The following COL6A2 variants were observed in gnomAD, a reference collection of about 807,000 sequenced individuals.
The protein encoded by COL6A2 is collagen type VI alpha 2 chain.
In COL6A2, 90 loss-of-function variants were observed where a neutral mutation model predicts 124.9. That is an observed-to-expected ratio of 0.72 (90% CI 0.61 to 0.86). The LOEUF (loss-of-function observed/expected upper bound fraction) is 0.86, where lower values mean the gene tolerates loss of function less well. Among genes scored for constraint, COL6A2 ranks in the 40% least tolerant of loss-of-function variants. The pLI is 0.00. For synonymous variants in COL6A2, 793 were observed against 618.2 expected (o/e 1.28, Z -4.19); for missense variants, 1,607 against 1,502.5 (o/e 1.07, Z -1.15).
chr21:46,118,720 TCA>T (rs769078056), intron 13 of COL6A2, 44 bp downstream of exon 13: 62 of 1,578,654 alleles, frequency 3.9e-5, no homozygotes, highest in Non-Finnish European at 5.0e-5. Flanking sequence ...CTGGCCACAC[TCA>T]CGCCCATGGC....
Position 46,126,032 on chromosome 21 carries a change from CGAT to C in COL6A2, c.2220_2222del (p.Asp741del), listed in dbSNP as rs753220080. The C allele has an allele frequency of 1.2e-6, 2 of 1,612,978 alleles. No individual in the cohort carries two copies. The highest frequency in any genetic ancestry group is 2.2e-5 in the East Asian group (1 of 44,858). On this transcript the variant is annotated inframe_deletion, in exon 26 of 28. Transcript: ENST00000300527. ...CGGACGGGCGCCACGACCCTCGGGA[CGAT>C]GACCTCAACTTGCGGGCGCTGTGCG... is the stretch of plus-strand genomic sequence containing the variant.
At position 46,117,877 on chromosome 21, in the gene COL6A2, C is replaced by A. The variant is rs751754421; in HGVS notation, c.1057C>A (p.Pro353Thr). The A allele has an allele frequency of 6.2e-7, 1 of 1,611,254 alleles. No individual in the cohort carries two copies. Among genetic ancestry groups the A allele is most frequent in the East Asian group, 2.2e-5 (1 of 44,784 alleles). ...CCACCTCTCACTCCTCTCTCAGGGCCCCGACGGTTACCCGGGGGAAGCAGG... is the reference window on the plus strand; with the variant it reads ...CCACCTCTCACTCCTCTCTCAGGGCACCGACGGTTACCCGGGGGAAGCAGG... ...GCKGDPGNRG[P>T]DGYPGEAGSP... The change falls in exon 12 of 28, where the codon CCC (proline) becomes ACC (threonine). Residue 353 changes from proline (P) to threonine (T), a missense_variant. Pro to Thr is a conservative substitution (Grantham distance 38, BLOSUM62 -1). Around this residue, in one of 3 missense-constraint regions of COL6A2, gnomAD observed 1,223 missense variants for 1,052.2 expected, o/e 1.16. Coordinates refer to ENST00000300527, the MANE Select transcript of COL6A2 (RefSeq NM_001849.4).
In COL6A2 at chr21:46,118,030, G is replaced by A. The variant is rs78263045; in HGVS notation, c.1116+94G>A. 2.0e-3 allele frequency: 2,450 copies of A among 1,237,162 alleles called. 25 individuals carry two copies. The African/African-American group carries it at 0.028, about 14-fold the overall frequency. 76.6% of individuals were successfully genotyped at this position (1,237,162 alleles called of 1,614,324 possible). ...CCAGCTGAGAAGCTGAGCAGAGAGG[G>A]CCTTTCTGGAAACACTGGTCAGTGA... On this transcript the variant is annotated intron_variant, in intron 12 of 27. Transcript: ENST00000300527.
At chr21:46,106,900 G>C (rs138732584) in intron 1 of COL6A2, among the ~76,000 whole-genome samples, 23 of 152,134 alleles carry the variant, frequency 1.5e-4, no homozygotes, top group African/African-American at 5.5e-4. Context: ...GATTCATTTT[G>C]CAAACTCCTA....
intron 21 of COL6A2, among the ~76,000 whole-genome samples, chr21:46,123,150 C>T (rs1258800530): frequency 7.2e-6 from 1 of 138,532 alleles, no homozygotes; most frequent in Non-Finnish European, 1.6e-5. Context: ...AGTGACCCCC[C>T]AACATCCCCC....
chr21:46,106,124 T>C (rs559062975), intron 1 of COL6A2, among the ~76,000 whole-genome samples: 5 of 152,318 alleles, frequency 3.3e-5, no homozygotes, highest in African/African-American at 1.2e-4. Context: ...CAAAAAAGGT[T>C]ACAAGAGGGA....
chr21:46,130,228 C>T (rs16978895), intron 27 of COL6A2, among the ~76,000 whole-genome samples: 2,943 of 152,328 alleles, frequency 0.019, 105 homozygotes, highest in African/African-American at 0.067. Context: ...TGTCTGCACC[C>T]TTCCAGCCCA....
At chr21:46,126,288 G>A (rs373249050) in intron 26 of COL6A2, 51 bp downstream of exon 26, 27 of 1,581,936 alleles carry the variant, frequency 1.7e-5, no homozygotes, top group Middle Eastern at 1.7e-4. Context: ...GGCCCCAGCC[G>A]CTGTCTAGCG....
In COL6A2 at chr21:46,132,463, G is replaced by C; in HGVS notation, c.2971G>C (p.Gly991Arg). Reference protein sequence around the residue: ...DMDVLTTLSLGDRAAVFHEKD... With the variant: ...DMDVLTTLSLRDRAAVFHEKD... The stretch of plus-strand genomic sequence containing the variant: ...GGACGTGCTCACCACGCTCAGCCTG[G>C]GTGACCGCGCCGCCGTGTTCCACGA... The change falls in exon 28 of 28, where the codon GGT (glycine) becomes CGT (arginine). Residue 991 changes from glycine to arginine, a missense_variant. Transcript: ENST00000300527. 1.2e-6 allele frequency: 2 copies of C among 1,606,732 alleles called. No individual in the cohort carries two copies. Among genetic ancestry groups the C allele is most frequent in the Non-Finnish European group, 1.7e-6 (2 of 1,177,422 alleles).
Position 46,132,183 on chromosome 21 carries a change from C to G in COL6A2, c.2691C>G (p.Asn897Lys). ...AGGTGGCCTTCCCGCTGAGCCACAA[C>G]CTCACGGCCATCCACGAGGCGCTGG... is the stretch of plus-strand genomic sequence containing the variant. ...EQQVAFPLSH[N>K]LTAIHEALET... is the part of the protein sequence containing the mutation. The change falls in exon 28 of 28, where the codon AAC becomes AAG. Residue 897 changes from asparagine to lysine, a missense_variant. Around this residue, in one of 3 missense-constraint regions of COL6A2, gnomAD observed 1,223 missense variants for 1,052.2 expected, o/e 1.16. Transcript: ENST00000300527. 6.4e-7 allele frequency: 1 copy of G among 1,574,340 alleles called. No homozygotes were observed. The highest frequency in any genetic ancestry group is 8.6e-7 in the Non-Finnish European group (1 of 1,161,136).
intron 27 of COL6A2, chr21:46,129,101 C>G: frequency 6.2e-7 from 1 of 1,604,080 alleles, no homozygotes; most frequent in Non-Finnish European, 8.5e-7. Context: ...AAATGCCGCT[C>G]TTCACTCTGG....
chr21:46,124,558 G>C (rs1320890080), intron 21 of COL6A2, 93 bp from the exon 22 acceptor site: 2 of 1,166,846 alleles, frequency 1.7e-6, no homozygotes, highest in African/African-American at 3.1e-5. Context: ...CGCCAAGGGA[G>C]GACCCGTGGT....
chr21:46,122,677 T>C lies in COL6A2; in HGVS notation c.1608+146T>C, dbSNP rs2078585470. 16 of 1,058,670 alleles carry C rather than the reference T, an allele frequency of 1.5e-5. No individual in the cohort carries two copies. The South Asian group carries it at 1.9e-4, about 13-fold the overall frequency. 65.6% of individuals were successfully genotyped at this position (1,058,670 alleles called of 1,614,324 possible). The stretch of plus-strand genomic sequence containing the variant: ...CCCCAAGGCCCAGCCATGTCACCTA[T>C]GCTGAGCTCTGGGGGAGCTGTCAGC... On this transcript the variant is annotated intron_variant, in intron 20 of 27. Transcript: ENST00000300527.
intron 27 of COL6A2, among the ~76,000 whole-genome samples, chr21:46,130,227 C>G (rs1601262069): frequency 6.6e-6 from 1 of 152,186 alleles, no homozygotes; most frequent in Admixed American, 6.5e-5. Flanking sequence ...GTGTCTGCAC[C>G]CTTCCAGCCC....
At chr21:46,131,237 G>A (rs1164051597) in intron 27 of COL6A2, among the ~76,000 whole-genome samples, 5 of 152,212 alleles carry the variant, frequency 3.3e-5, no homozygotes, top group Admixed American at 6.5e-5. Flanking sequence ...CTGGCCCCAC[G>A]TGACACCCAC....
In COL6A2 at chr21:46,126,455, C is replaced by T. The variant is rs201367713; in HGVS notation, c.2423-48C>T. 3,962 of 1,610,072 alleles carry T rather than the reference C, an allele frequency of 2.5e-3. 9 individuals carry two copies. The highest frequency in any genetic ancestry group is 3.1e-3 in the Non-Finnish European group (3,657 of 1,177,080). ...GATCAGTGAACGGCCGCTGAGGGTTCGCTAGGGACTGACCCTGGCCTGGCC... is the reference window on the plus strand; with the variant it reads ...GATCAGTGAACGGCCGCTGAGGGTTTGCTAGGGACTGACCCTGGCCTGGCC... On this transcript the variant is annotated intron_variant, in intron 26 of 27. Transcript: ENST00000300527.
chr21:46,124,008 G>A (rs970522372), intron 21 of COL6A2, among the ~76,000 whole-genome samples: 5 of 149,456 alleles, frequency 3.3e-5, no homozygotes, highest in African/African-American at 1.2e-4. Context: ...TGGATGGATG[G>A]TTAGGTGAAT....
intron 1 of COL6A2, among the ~76,000 whole-genome samples, chr21:46,109,954 C>T (rs1301103122): frequency 6.6e-6 from 1 of 152,234 alleles, no homozygotes; most frequent in Non-Finnish European, 1.5e-5. Context: ...TCCACAGCCA[C>T]GACTTGGGCA....
At chr21:46,129,022 C>T in intron 27 of COL6A2, 1 of 1,603,826 alleles carries the variant, frequency 6.2e-7, no homozygotes, top group Non-Finnish European at 8.5e-7. Flanking sequence ...CTCACTGCCC[C>T]CACGCCTCCT....
Sources: gnomAD v4.1 joint callset for allele counts (sites outside exome capture counted in the v4.1 genomes callset) on GRCh38, gnomAD v4.1.1 for gene constraint, gnomAD v4.1.1 regional missense constraint, MANE v1.5 for transcripts, NCBI Gene and HGNC (gene_info 2026-07-23, HGNC 2026-07-21) for gene names.